The following VDAC1 variants were observed in gnomAD, a reference collection of about 807,000 sequenced individuals.
VDAC1 encodes non-selective voltage-gated ion channel VDAC1.
VDAC1 carries 10 observed loss-of-function variants against 34.7 expected under a neutral mutation model. The ratio of observed to expected loss-of-function variants is 0.29; its 90% CI spans 0.18 to 0.49. VDAC1 has a LOEUF of 0.49. Among genes scored for constraint, VDAC1 ranks in the 20% least tolerant of loss-of-function variants. The probability of loss-of-function intolerance (pLI) is 0.99; values close to 1 mark genes in which losing one functional copy is unlikely to be tolerated. For missense variants in VDAC1, 230 were observed against 347.9 expected, an observed-to-expected ratio of 0.66 and a Z score of 2.69; for synonymous variants, 130 against 136.0, an observed-to-expected ratio of 0.96 and a Z score of 0.30.
the VDAC1 span, among the ~76,000 whole-genome samples, chr5:134,086,307 C>A: frequency 6.6e-6 from 1 of 152,200 alleles, no homozygotes; most frequent in Non-Finnish European, 1.5e-5. Context: ...AGGGCCTGTT[C>A]CTACTGTGAT....
intron 7 of VDAC1, among the ~76,000 whole-genome samples, chr5:133,974,954 CAA>C (rs71842808): frequency 8.1e-6 from 1 of 122,902 alleles, no homozygotes; most frequent in African/African-American, 3.2e-5. Context: ...GACTCCGTCT[CAA>C]AAAAAAAAAC....
At chr5:134,052,339 T>C in the VDAC1 span, among the ~76,000 whole-genome samples, 4 of 152,134 alleles carry the variant, frequency 2.6e-5, no homozygotes, top group African/African-American at 9.7e-5. Context: ...TGTAAAACTT[T>C]TTTTTTTGAG....
At chr5:134,106,941 C>T in the VDAC1 span, among the ~76,000 whole-genome samples, 3 of 152,184 alleles carry the variant, frequency 2.0e-5, no homozygotes, top group South Asian at 4.1e-4. Flanking sequence ...ATAATCCCTC[C>T]CTCTGGTCTC....
At chr5:133,980,692 C>A in intron 6 of VDAC1, 37 bp downstream of exon 6, 3 of 559,134 alleles carry the variant, frequency 5.4e-6, no homozygotes, top group East Asian at 3.3e-5. Context: ...TGCTCCAACC[C>A]CACCCCTCCC....
chr5:134,077,106 G>A, the VDAC1 span, among the ~76,000 whole-genome samples: 1 of 151,822 alleles, frequency 6.6e-6, no homozygotes, highest in Non-Finnish European at 1.5e-5. Context: ...TGGCGAAACC[G>A]TCTCTATTAA....
chr5:133,975,524 G>A (rs1007671866), intron 7 of VDAC1, among the ~76,000 whole-genome samples: 2 of 149,042 alleles, frequency 1.3e-5, no homozygotes, highest in Non-Finnish European at 3.0e-5. Flanking sequence ...GCAGTGACAC[G>A]ATCTCAGCTC....
chr5:134,071,445 C>T, the VDAC1 span, among the ~76,000 whole-genome samples: 1 of 152,192 alleles, frequency 6.6e-6, no homozygotes, highest in South Asian at 2.1e-4. This position sits in a 1 kb window ranked among gnomAD's most constrained non-coding sequence, Gnocchi z 4.1. Flanking sequence ...CTCGGGGGAG[C>T]GCCCTTCTCC....
chr5:134,110,611 T>C, the VDAC1 span, among the ~76,000 whole-genome samples: 3 of 152,226 alleles, frequency 2.0e-5, no homozygotes, highest in Non-Finnish European at 4.4e-5. Context: ...GGATGCTCCA[T>C]GGGAAGTGCT....
the VDAC1 span, among the ~76,000 whole-genome samples, chr5:134,071,562 C>G: frequency 6.6e-6 from 1 of 152,268 alleles, no homozygotes; most frequent in Admixed American, 6.5e-5. This position sits in a 1 kb window ranked among gnomAD's most constrained non-coding sequence, Gnocchi z 4.1. Flanking sequence ...ACCAGCTTCA[C>G]CCAGACCAAA....
intron 1 of VDAC1, among the ~76,000 whole-genome samples, chr5:133,996,898 C>T (rs1004325570): frequency 1.3e-5 from 2 of 152,124 alleles, no homozygotes; most frequent in African/African-American, 4.8e-5. Context: ...CTAGCAATGA[C>T]CTCCACTCCC....
the VDAC1 span, among the ~76,000 whole-genome samples, chr5:134,100,859 CT>C: frequency 6.6e-6 from 1 of 152,270 alleles, no homozygotes; most frequent in Non-Finnish European, 1.5e-5. Context: ...GAAATTACAT[CT>C]AAGCAGAGAA....
the VDAC1 span, among the ~76,000 whole-genome samples, chr5:134,095,522 A>AATCAATC: frequency 5.2e-4 from 79 of 150,936 alleles, no homozygotes; most frequent in African/African-American, 1.9e-3. Context: ...ATAAATAAAT[A>AATCAATC]AATCCAAGAG....
chr5:133,991,760 C>A (rs1409296123), intron 3 of VDAC1, among the ~76,000 whole-genome samples: 1 of 151,886 alleles, frequency 6.6e-6, no homozygotes, highest in Non-Finnish European at 1.5e-5. Flanking sequence ...AAAAAAAGTA[C>A]CTTCTTTTGG....
At chr5:134,099,770 A>G in the VDAC1 span, among the ~76,000 whole-genome samples, 793 of 152,258 alleles carry the variant, frequency 5.2e-3, 7 homozygotes, top group African/African-American at 0.018. Flanking sequence ...TTTTGTAGAG[A>G]CAGGGTCTCC....
At chr5:134,077,964 G>A in the VDAC1 span, among the ~76,000 whole-genome samples, 1 of 152,226 alleles carries the variant, frequency 6.6e-6, no homozygotes, top group Non-Finnish European at 1.5e-5. Flanking sequence ...AATGCCACAG[G>A]ACTTTTTCCT....
At chr5:134,035,867 G>T in the VDAC1 span, among the ~76,000 whole-genome samples, 1 of 151,916 alleles carries the variant, frequency 6.6e-6, no homozygotes, top group Non-Finnish European at 1.5e-5. Flanking sequence ...TTAGCCGGGC[G>T]CAGTGGCAGG....
chr5:134,089,860 C>T, the VDAC1 span, among the ~76,000 whole-genome samples: 5 of 152,222 alleles, frequency 3.3e-5, no homozygotes, highest in South Asian at 4.1e-4. Flanking sequence ...GGCATGGTGG[C>T]GCATGCCTGT....
At chr5:134,095,827 G>A in the VDAC1 span, among the ~76,000 whole-genome samples, 18 of 152,202 alleles carry the variant, frequency 1.2e-4, no homozygotes, top group South Asian at 4.1e-4. Flanking sequence ...CACTGTAAAT[G>A]CTCAATGGCC....
At chr5:134,070,606 CT>C in the VDAC1 span, among the ~76,000 whole-genome samples, 1 of 152,142 alleles carries the variant, frequency 6.6e-6, no homozygotes, top group Admixed American at 6.5e-5. Flanking sequence ...TCCTTCCAGT[CT>C]TTTTTCCATA....
Sources: allele counts gnomAD v4.1 joint callset (sites outside exome capture counted in the v4.1 genomes callset), GRCh38; gene constraint gnomAD v4.1.1; non-coding constraint Gnocchi (gnomAD v3.1); transcripts MANE v1.5; gene names NCBI Gene and HGNC (gene_info 2026-07-23, HGNC 2026-07-21).